The following PARD3 variants were observed in gnomAD, a reference collection of about 807,000 sequenced individuals.
PARD3 encodes the protein par-3 family cell polarity regulator.
A neutral mutation model predicts 155.4 loss-of-function variants in PARD3; 75 were observed. That is an observed-to-expected ratio of 0.48 (90% CI 0.40 to 0.58). PARD3 has a LOEUF of 0.58. PARD3 is among the 20% of genes least tolerant of loss of function. PARD3 has a pLI of 0.00. For synonymous variants in PARD3, 576 were observed against 610.5 expected, an observed-to-expected ratio of 0.94 and a Z score of 0.83; for missense variants, 1,642 against 1,721.7, an observed-to-expected ratio of 0.95 and a Z score of 0.82.
At position 34,760,783 on chromosome 10, in the gene PARD3, C is replaced by T. The variant is rs1458083310; in HGVS notation, c.120+54093G>A. Among the ~76,000 whole-genome samples the T allele has an allele frequency of 1.3e-5, 2 of 152,156 alleles. 1 individual carries two copies. The highest frequency in any genetic ancestry group is 1.3e-4 in the Admixed American group (2 of 15,264). On this transcript the variant is annotated intron_variant, in intron 1 of 24. Coordinates refer to ENST00000374788, the MANE Select transcript of PARD3 (RefSeq NM_001184785.2). ...GGAGTTGACACCTCCTGTCAACAACCACCTGAATAAGCTTGGAAGCAGAAT... is the reference window on the plus strand; with the variant it reads ...GGAGTTGACACCTCCTGTCAACAACTACCTGAATAAGCTTGGAAGCAGAAT...
intron 4 of PARD3, among the ~76,000 whole-genome samples, chr10:34,454,740 A>T (rs533621780): frequency 7.2e-5 from 11 of 152,318 alleles, no homozygotes; most frequent in Non-Finnish European, 1.6e-4. Flanking sequence ...CCTTCTTGCC[A>T]GGGAAAAACA....
intron 3 of PARD3, among the ~76,000 whole-genome samples, chr10:34,494,543 A>G (rs2080142725): frequency 6.6e-6 from 1 of 152,196 alleles, no homozygotes. Context: ...GATGCAGAAA[A>G]AGTGACCAGA....
At chr10:34,515,619 G>C (rs12265101) in intron 3 of PARD3, among the ~76,000 whole-genome samples, 3,856 of 152,216 alleles carry the variant, frequency 0.025, 158 homozygotes, top group African/African-American at 0.087. Flanking sequence ...ATCTCTAACT[G>C]TTAAACTGCT....
intron 7 of PARD3, among the ~76,000 whole-genome samples, chr10:34,390,342 TA>T (rs1404706863): frequency 6.6e-6 from 1 of 152,162 alleles, no homozygotes; most frequent in Non-Finnish European, 1.5e-5. Context: ...GACTAATCAC[TA>T]CCTACCTAGA....
intron 5 of PARD3, among the ~76,000 whole-genome samples, chr10:34,428,237 C>T (rs1490079053): frequency 6.6e-6 from 1 of 152,170 alleles, no homozygotes; most frequent in Non-Finnish European, 1.5e-5. Context: ...AATTTTAAAG[C>T]AGTATGACTT....
intron 1 of PARD3, among the ~76,000 whole-genome samples, chr10:34,752,008 G>A (rs1342276402): frequency 6.6e-6 from 1 of 152,062 alleles, no homozygotes; most frequent in African/African-American, 2.4e-5. Flanking sequence ...CTGCCCACCA[G>A]AGAACGGGAA....
At chr10:34,150,678 G>T (rs1186900065) in intron 22 of PARD3, among the ~76,000 whole-genome samples, 2 of 152,134 alleles carry the variant, frequency 1.3e-5, no homozygotes, top group East Asian at 3.8e-4. Flanking sequence ...TCAGGCTTGG[G>T]GAATACCTGG....
intron 2 of PARD3, among the ~76,000 whole-genome samples, chr10:34,570,116 A>G (rs1029636154): frequency 1.3e-5 from 2 of 152,192 alleles, no homozygotes; most frequent in Non-Finnish European, 2.9e-5. Flanking sequence ...TTTGAATTAT[A>G]AAAGTTGCTT....
intron 2 of PARD3, among the ~76,000 whole-genome samples, chr10:34,605,690 CTATA>C (rs376884134): frequency 6.9e-5 from 1 of 14,594 alleles, no homozygotes; most frequent in Non-Finnish European, 9.7e-5. Context: ...TATATATCTC[CTATA>C]TATATATATC....
intron 2 of PARD3, among the ~76,000 whole-genome samples, chr10:34,684,007 A>C (rs2093896225): frequency 1.3e-5 from 2 of 152,354 alleles, no homozygotes; most frequent in Admixed American, 6.5e-5. Context: ...CTTAGGAGGA[A>C]ATGAATAAAG....
At chr10:34,442,704 AC>A (rs2076528970) in intron 5 of PARD3, among the ~76,000 whole-genome samples, 2 of 152,182 alleles carry the variant, frequency 1.3e-5, no homozygotes, top group Non-Finnish European at 2.9e-5. Context: ...CCCCACCTGT[AC>A]AAAAAAATTT....
chr10:34,162,414 A>G (rs552598741), intron 22 of PARD3, among the ~76,000 whole-genome samples: 2 of 152,178 alleles, frequency 1.3e-5, no homozygotes, highest in African/African-American at 4.8e-5. Flanking sequence ...CGATGTCCGC[A>G]TGCCTAATTT....
intron 5 of PARD3, among the ~76,000 whole-genome samples, chr10:34,422,800 T>C (rs777202142): frequency 7.2e-5 from 11 of 152,180 alleles, no homozygotes; most frequent in Non-Finnish European, 1.5e-4. Flanking sequence ...AAAGAGGATG[T>C]GGACAAAGGG....
At chr10:34,479,481 A>G (rs1231333053) in intron 3 of PARD3, among the ~76,000 whole-genome samples, 1 of 152,142 alleles carries the variant, frequency 6.6e-6, no homozygotes, top group Admixed American at 6.5e-5. Flanking sequence ...AATTTTTTTT[A>G]AAGCACAAAG....
intron 20 of PARD3, among the ~76,000 whole-genome samples, chr10:34,307,626 C>T (rs1399333454): frequency 1.3e-5 from 2 of 152,242 alleles, no homozygotes; most frequent in African/African-American, 4.8e-5. Flanking sequence ...GCGTTGAAGG[C>T]TGCTCCAAGG....
chr10:34,672,086 C>T (rs190151234), intron 2 of PARD3, among the ~76,000 whole-genome samples: 47 of 151,980 alleles, frequency 3.1e-4, no homozygotes, highest in South Asian at 2.1e-3. Context: ...AAGGATCACC[C>T]GAGCCCAGGA....
chr10:34,654,550 T>TA (rs2093112277), intron 2 of PARD3, among the ~76,000 whole-genome samples: 2 of 152,186 alleles, frequency 1.3e-5, no homozygotes, highest in East Asian at 3.8e-4. Context: ...AAAACAAAAA[T>TA]AGAGTTCCAG....
At chr10:34,462,330 C>G (rs2077702769) in intron 4 of PARD3, among the ~76,000 whole-genome samples, 1 of 152,114 alleles carries the variant, frequency 6.6e-6, no homozygotes, top group Non-Finnish European at 1.5e-5. Flanking sequence ...GCTTGGCTCA[C>G]AAATAACCAA....
intron 2 of PARD3, among the ~76,000 whole-genome samples, chr10:34,672,032 G>C (rs1255002698): frequency 6.6e-6 from 1 of 151,726 alleles, no homozygotes; most frequent in Non-Finnish European, 1.5e-5. Context: ...AAATTAGCCA[G>C]GTATGATGGT....
Sources: gnomAD v4.1 joint callset for allele counts (sites outside exome capture counted in the v4.1 genomes callset) on GRCh38, gnomAD v4.1.1 for gene constraint, MANE v1.5 for transcripts, NCBI Gene and HGNC (gene_info 2026-07-23, HGNC 2026-07-21) for gene names.